Variants in RBFOX3 observed in about 807,000 individuals in gnomAD.
RBFOX3 encodes RNA binding protein fox-1 homolog 3.
In RBFOX3, 17 loss-of-function variants were observed where a neutral mutation model predicts 48.7. The ratio of observed to expected loss-of-function variants is 0.35; its 90% CI spans 0.24 to 0.52. The LOEUF is 0.52. Ranked by LOEUF, RBFOX3 falls within the 20% of genes least tolerant of loss-of-function variation. The pLI is 0.94. For synonymous variants in RBFOX3, 212 were observed against 209.5 expected (o/e 1.01, Z -0.10); for missense variants, 382 against 497.5 (o/e 0.77, Z 2.21).
intron 14 of RBFOX3, among the ~76,000 whole-genome samples, chr17:79,093,924 G>A (rs1340704816): frequency 2.6e-5 from 4 of 152,098 alleles, no homozygotes; most frequent in Admixed American, 2.0e-4. Context: ...TCCCCAGGAC[G>A]CCAGGAGCCC....
chr17:79,291,467 G>A (rs1472802965), intron 3 of RBFOX3, among the ~76,000 whole-genome samples: 1 of 152,226 alleles, frequency 6.6e-6, no homozygotes, highest in African/African-American at 2.4e-5. Flanking sequence ...GGCTTCAAGT[G>A]TGGGGATTTA....
chr17:79,615,077 GT>G (rs1235387850), upstream of RBFOX3, among the ~76,000 whole-genome samples: 4 of 149,494 alleles, frequency 2.7e-5, no homozygotes, highest in Middle Eastern at 3.2e-3. Context: ...AAAAAAAAAT[GT>G]TTCCCCAAGT....
At chr17:79,399,290 C>A (rs1198730219) in intron 2 of RBFOX3, among the ~76,000 whole-genome samples, 1 of 152,204 alleles carries the variant, frequency 6.6e-6, no homozygotes, top group Non-Finnish European at 1.5e-5. Flanking sequence ...GTGAGGCTAT[C>A]CCCGCTTCAC....
intron 1 of RBFOX3, among the ~76,000 whole-genome samples, chr17:79,595,191 C>T (rs1180659720): frequency 6.6e-6 from 1 of 151,706 alleles, no homozygotes; most frequent in Non-Finnish European, 1.5e-5. Context: ...CCGAGGCTGA[C>T]CATAATGGGG....
At chr17:79,393,844 AC>A (rs2061656383) in intron 2 of RBFOX3, among the ~76,000 whole-genome samples, 1 of 150,880 alleles carries the variant, frequency 6.6e-6, no homozygotes, top group South Asian at 2.1e-4. Context: ...TGGTCATCAC[AC>A]ACATCATCTG....
chr17:79,353,918 A>C (rs2084453787), intron 2 of RBFOX3, among the ~76,000 whole-genome samples: 1 of 152,106 alleles, frequency 6.6e-6, no homozygotes, highest in South Asian at 2.1e-4. Context: ...TACCCACTTG[A>C]CCATCGACCT....
At chr17:79,293,757 C>T (rs1194619581) in intron 3 of RBFOX3, among the ~76,000 whole-genome samples, 4 of 152,152 alleles carry the variant, frequency 2.6e-5, no homozygotes, top group Admixed American at 6.5e-5. Flanking sequence ...CAGCCTGAGC[C>T]ATTCTTGCTT....
intron 1 of RBFOX3, among the ~76,000 whole-genome samples, chr17:79,530,397 A>G (rs939111717): frequency 2.6e-5 from 4 of 152,166 alleles, no homozygotes; most frequent in African/African-American, 9.7e-5. Flanking sequence ...TTCTTGCCCA[A>G]ATCTGCCAAA....
At chr17:79,539,699 A>C (rs1555789665) in intron 1 of RBFOX3, among the ~76,000 whole-genome samples, 2 of 152,206 alleles carry the variant, frequency 1.3e-5, no homozygotes, top group African/African-American at 2.4e-5. Flanking sequence ...CACTTTATAC[A>C]CTTCTGTGTT....
intron 2 of RBFOX3, among the ~76,000 whole-genome samples, chr17:79,414,490 T>C (rs2064989264): frequency 6.6e-6 from 1 of 152,170 alleles, no homozygotes; most frequent in South Asian, 2.1e-4. Flanking sequence ...CGGTGCCCCG[T>C]GTGTCCAGGC....
At chr17:79,465,252 G>A (rs889191018) in intron 2 of RBFOX3, among the ~76,000 whole-genome samples, 16 of 152,166 alleles carry the variant, frequency 1.1e-4, no homozygotes, top group African/African-American at 3.9e-4. Context: ...CTTTGTTCAG[G>A]CCACATAGAA....
intron 2 of RBFOX3, among the ~76,000 whole-genome samples, chr17:79,412,782 ATG>A: frequency 6.6e-6 from 1 of 150,692 alleles, no homozygotes. Context: ...TGTGTGGTGT[ATG>A]TGTGTGGTGT....
At chr17:79,336,599 C>T (rs973766584) in intron 2 of RBFOX3, among the ~76,000 whole-genome samples, 2 of 152,098 alleles carry the variant, frequency 1.3e-5, no homozygotes, top group African/African-American at 4.8e-5. Flanking sequence ...AGGTCCCTGG[C>T]CTCGTCCTCT....
chr17:79,517,444 CAAAA>C (rs1231600861), intron 1 of RBFOX3, among the ~76,000 whole-genome samples: 1 of 94,972 alleles, frequency 1.1e-5, no homozygotes, highest in Non-Finnish European at 2.1e-5. Context: ...GAGTCTGTCT[CAAAA>C]AAAAAAAAAA....
At chr17:79,289,184 C>T (rs183208024) in intron 3 of RBFOX3, among the ~76,000 whole-genome samples, 2 of 152,238 alleles carry the variant, frequency 1.3e-5, no homozygotes, top group African/African-American at 4.8e-5. Context: ...ACGTTCCGCA[C>T]AGCCTCTGCC....
At chr17:79,388,000 ACG>A (rs1491413880) in intron 2 of RBFOX3, among the ~76,000 whole-genome samples, 3 of 118,966 alleles carry the variant, frequency 2.5e-5, no homozygotes, top group Admixed American at 8.6e-5. Context: ...GTGAATGTGT[ACG>A]TGTGTGTGTG....
chr17:79,136,904 T>C (rs2040340023), intron 4 of RBFOX3, among the ~76,000 whole-genome samples: 1 of 152,112 alleles, frequency 6.6e-6, no homozygotes, highest in Non-Finnish European at 1.5e-5. Context: ...TAAGCCAGAG[T>C]GGACGATTCA....
chr17:79,573,314 G>A (rs1469946239), intron 1 of RBFOX3, among the ~76,000 whole-genome samples: 3 of 152,246 alleles, frequency 2.0e-5, no homozygotes, highest in Non-Finnish European at 4.4e-5. Flanking sequence ...CATCGAGACT[G>A]GGCTCTGGAA....
chr17:79,328,904 G>T (rs2079768364), intron 2 of RBFOX3, among the ~76,000 whole-genome samples: 1 of 152,180 alleles, frequency 6.6e-6, no homozygotes, highest in African/African-American at 2.4e-5. Context: ...AAAGGACTCA[G>T]GGTCCGAGGT....
Sources: allele counts gnomAD v4.1 joint callset (sites outside exome capture counted in the v4.1 genomes callset), GRCh38; gene constraint gnomAD v4.1.1; transcripts MANE v1.5; gene names NCBI Gene and HGNC (gene_info 2026-07-23, HGNC 2026-07-21).